The following STXBP5 variants were observed in gnomAD, a reference collection of about 807,000 sequenced individuals.
STXBP5 encodes the protein syntaxin-binding protein 5.
A neutral mutation model predicts 152.4 loss-of-function variants in STXBP5; 50 were observed. The observed-to-expected ratio is 0.33, with a 90% confidence interval of 0.26 to 0.42. The LOEUF is 0.42. Among genes scored for constraint, STXBP5 ranks in the 10% least tolerant of loss-of-function variants. The pLI, the probability that STXBP5 is intolerant of heterozygous loss-of-function variation, is 1.00. For synonymous variants in STXBP5, 492 were observed against 494.7 expected (o/e 0.99, Z 0.07); for missense variants, 1,167 against 1,388.6 (o/e 0.84, Z 2.54).
In STXBP5 at chr6:147,292,298, A is replaced by T. The variant is rs1279912373; in HGVS notation, c.917+1126A>T. The T allele has an allele frequency of 1.1e-5, 5 of 447,520 alleles. No homozygotes were observed. The Admixed American group carries it at 1.2e-4, about 11-fold the overall frequency. The allele number at this position is 447,520 out of a possible 1,614,324, so 27.7% of individuals were successfully genotyped here. On this transcript the variant is annotated intron_variant, in intron 9 of 27. Transcript: ENST00000321680. The stretch of plus-strand genomic sequence containing the variant: ...ATATTCCAACAATAGCTATATTCCA[A>T]CAATAGATTAAATGAACTCTAAGAG...
At chr6:147,302,672 A>G (rs1334863190) in intron 9 of STXBP5, among the ~76,000 whole-genome samples, 2 of 152,080 alleles carry the variant, frequency 1.3e-5, no homozygotes, top group Admixed American at 6.5e-5. Flanking sequence ...GAAATTAGCC[A>G]GGCATGGTGG....
intron 25 of STXBP5, among the ~76,000 whole-genome samples, chr6:147,373,188 G>A (rs972654661): frequency 7.3e-5 from 11 of 151,724 alleles, no homozygotes; most frequent in Admixed American, 3.9e-4. Context: ...CCAACATGGC[G>A]CAAAACCTGT....
intron 9 of STXBP5, among the ~76,000 whole-genome samples, chr6:147,299,823 G>C (rs1265271856): frequency 6.6e-6 from 1 of 151,998 alleles, no homozygotes; most frequent in Non-Finnish European, 1.5e-5. Context: ...CTTAGCCAGA[G>C]CAATTAAGCA....
intron 9 of STXBP5, among the ~76,000 whole-genome samples, chr6:147,299,962 A>C (rs1430832492): frequency 6.6e-6 from 1 of 152,088 alleles, no homozygotes; most frequent in Non-Finnish European, 1.5e-5. Flanking sequence ...AAGTGAAATT[A>C]ATAAAGTTGC....
intron 4 of STXBP5, among the ~76,000 whole-genome samples, chr6:147,244,987 C>CA (rs1778737337): frequency 1.2e-5 from 1 of 86,200 alleles, no homozygotes; most frequent in Admixed American, 1.2e-4. Flanking sequence ...TGCTGAGCTG[C>CA]TTTTTTTTTT....
chr6:147,318,162 G>A lies in STXBP5; in HGVS notation c.1802+1755G>A, dbSNP rs534874782. Among the ~76,000 whole-genome samples, 3 of 152,214 alleles carry A rather than the reference G, an allele frequency of 2.0e-5. No homozygotes were observed. In the South Asian group the frequency reaches 6.2e-4, roughly 32 times the overall value. The stretch of plus-strand genomic sequence containing the variant: ...ACATTAAATTCTTTTCCTACCTGAA[G>A]AAAAAACACCATCAATGCACTGCTT... On this transcript the variant is annotated intron_variant, in intron 16 of 27. Coordinates refer to ENST00000321680, the MANE Select transcript of STXBP5 (RefSeq NM_001127715.4).
intron 25 of STXBP5, among the ~76,000 whole-genome samples, chr6:147,372,763 T>C (rs1290426528): frequency 6.6e-6 from 1 of 152,096 alleles, no homozygotes; most frequent in Non-Finnish European, 1.5e-5. Flanking sequence ...AAAACTCTTC[T>C]TTCCTCTTTT....
intron 18 of STXBP5, among the ~76,000 whole-genome samples, chr6:147,329,789 C>A (rs1353442234): frequency 1.3e-5 from 2 of 151,912 alleles, no homozygotes; most frequent in African/African-American, 4.8e-5. Context: ...CCGCACCCGG[C>A]TAATTTTTTT....
chr6:147,351,816 A>G, intron 21 of STXBP5: 1 of 984,834 alleles, frequency 1.0e-6, no homozygotes, highest in Non-Finnish European at 1.2e-6. Flanking sequence ...CTAACACTGG[A>G]TTTGTCATTT....
At chr6:147,323,816 G>A (rs1014556844) in intron 16 of STXBP5, among the ~76,000 whole-genome samples, 1 of 152,130 alleles carries the variant, frequency 6.6e-6, no homozygotes, top group African/African-American at 2.4e-5. Context: ...CCACTTTCTA[G>A]GTGAAAAGAC....
intron 9 of STXBP5, among the ~76,000 whole-genome samples, chr6:147,308,197 G>A (rs1476177737): frequency 1.3e-5 from 2 of 152,168 alleles, no homozygotes; most frequent in African/African-American, 4.8e-5. Flanking sequence ...GTATAGAAGA[G>A]TGGAGATGTA....
At chr6:147,219,805 T>G (rs1777366945) in intron 2 of STXBP5, among the ~76,000 whole-genome samples, 1 of 149,280 alleles carries the variant, frequency 6.7e-6, no homozygotes, top group Non-Finnish European at 1.5e-5. Flanking sequence ...GCTTGTTTTT[T>G]TTTTTTTTTT....
chr6:147,294,632 T>C (rs1781429744), intron 9 of STXBP5, among the ~76,000 whole-genome samples: 1 of 152,166 alleles, frequency 6.6e-6, no homozygotes, highest in Non-Finnish European at 1.5e-5. Flanking sequence ...ATCATATTTA[T>C]CTGAAAGAGA....
intron 9 of STXBP5, among the ~76,000 whole-genome samples, chr6:147,298,677 A>G (rs1431115428): frequency 2.0e-5 from 3 of 152,048 alleles, no homozygotes; most frequent in Non-Finnish European, 4.4e-5. Context: ...TTAACAAGAG[A>G]AACTTTGGAA....
chr6:147,319,774 A>T (rs1008080129), intron 16 of STXBP5, among the ~76,000 whole-genome samples: 1 of 149,224 alleles, frequency 6.7e-6, no homozygotes, highest in South Asian at 2.1e-4. Flanking sequence ...GTAATTGCTT[A>T]CTAGAATCTA....
chr6:147,310,460 A>T (rs1782311425), intron 10 of STXBP5, among the ~76,000 whole-genome samples: 1 of 152,190 alleles, frequency 6.6e-6, no homozygotes, highest in Non-Finnish European at 1.5e-5. Flanking sequence ...GAAACATTTT[A>T]AAATTCTGTT....
chr6:147,388,395 A>G lies in STXBP5; in HGVS notation c.*3640A>G, dbSNP rs969353751. On this transcript the variant is annotated 3_prime_UTR_variant, in exon 28 of 28. Transcript: ENST00000321680. Reference sequence around the variant, plus strand: ...ACACTTTCAGATTTGTTTTAAGATCATACAGTAACATGTTATATTTATACA... The same window carrying G: ...ACACTTTCAGATTTGTTTTAAGATCGTACAGTAACATGTTATATTTATACA... The G allele has an allele frequency of 6.6e-6, 1 of 151,724 alleles. No individual in the cohort carries two copies. The highest frequency in any genetic ancestry group is 1.5e-5 in the Non-Finnish European group (1 of 67,712). 9.4% of individuals were successfully genotyped at this position (151,724 alleles called of 1,614,324 possible).
chr6:147,235,208 A>C (rs1778209589), intron 2 of STXBP5, 42 bp from the exon 3 acceptor site: 1 of 1,581,430 alleles, frequency 6.3e-7, no homozygotes, highest in African/African-American at 1.3e-5. Context: ...GTTTCTCAAA[A>C]CCGAACAAAT....
chr6:147,359,330 A>G lies in STXBP5; in HGVS notation c.2545+7A>G, dbSNP rs372582145. On this transcript the variant is annotated splice_region_variant and intron_variant, in intron 23 of 27. Transcript: ENST00000321680. ...GTAATTGTGTCTCCAAGTGGTATGT[A>G]TTGCTGCTGCACTTAGAGTTACATT... 1 of 1,608,792 alleles carries G rather than the reference A, an allele frequency of 6.2e-7. No individual in the cohort carries two copies. The highest frequency in any genetic ancestry group is 1.3e-5 in the African/African-American group (1 of 74,840).
Sources: allele counts gnomAD v4.1 joint callset (sites outside exome capture counted in the v4.1 genomes callset), GRCh38; gene constraint gnomAD v4.1.1; transcripts MANE v1.5; gene names NCBI Gene and HGNC (gene_info 2026-07-23, HGNC 2026-07-21).